Variants in VSNL1 observed in about 807,000 individuals in gnomAD.
VSNL1 encodes the protein visinin like 1, also known as visinin-like protein 1.
In VSNL1, 6 loss-of-function variants were observed where a neutral mutation model predicts 20.4. The ratio of observed to expected loss-of-function variants is 0.29; its 90% CI spans 0.16 to 0.58. The LOEUF is 0.58. Ranked by LOEUF, VSNL1 falls within the 20% of genes least tolerant of loss-of-function variation. The pLI, the probability that VSNL1 is intolerant of heterozygous loss-of-function variation, is 0.90. For synonymous variants in VSNL1, 93 were observed against 86.4 expected (o/e 1.08, Z -0.42); for missense variants, 100 against 234.5 (o/e 0.43, Z 3.75).
chr2:17,583,291 C>A (rs1664393708), intron 1 of VSNL1, among the ~76,000 whole-genome samples: 3 of 152,368 alleles, frequency 2.0e-5, no homozygotes, highest in Non-Finnish European at 4.4e-5. Context: ...AAGCGGGACA[C>A]TCCAGGTCTG....
intron 1 of VSNL1, among the ~76,000 whole-genome samples, chr2:17,545,771 T>A (rs1246402317): frequency 2.0e-5 from 3 of 152,140 alleles, no homozygotes; most frequent in African/African-American, 4.8e-5. Flanking sequence ...TACTGAGGAA[T>A]CTTCAAAGAG....
intron 2 of VSNL1, among the ~76,000 whole-genome samples, chr2:17,629,181 T>C (rs1053756550): frequency 3.3e-5 from 5 of 152,142 alleles, no homozygotes; most frequent in African/African-American, 1.2e-4. Flanking sequence ...TGTTATAAGG[T>C]CCCTTAAGGC....
At chr2:17,590,825 C>G (rs1664578599) in intron 1 of VSNL1, among the ~76,000 whole-genome samples, 1 of 152,144 alleles carries the variant, frequency 6.6e-6, no homozygotes, top group Non-Finnish European at 1.5e-5. Context: ...CAGTGAAGGA[C>G]TAGGTTCACT....
chr2:17,555,448 A>G (rs769315620), intron 1 of VSNL1, among the ~76,000 whole-genome samples: 1 of 152,162 alleles, frequency 6.6e-6, no homozygotes, highest in Non-Finnish European at 1.5e-5. Context: ...CTGTATGATC[A>G]TTGCTACTAC....
At chr2:17,554,297 C>T (rs1663621536) in intron 1 of VSNL1, among the ~76,000 whole-genome samples, 1 of 152,156 alleles carries the variant, frequency 6.6e-6, no homozygotes, top group Non-Finnish European at 1.5e-5. Context: ...GGCTAAAAAT[C>T]TACACAGTAT....
intron 1 of VSNL1, among the ~76,000 whole-genome samples, chr2:17,576,417 A>G (rs953510008): frequency 2.6e-5 from 4 of 152,160 alleles, no homozygotes; most frequent in South Asian, 2.1e-4. Flanking sequence ...TTTCTTTAAG[A>G]TACCTTCCCC....
At chr2:17,631,850 T>C (rs1215226585) in intron 2 of VSNL1, among the ~76,000 whole-genome samples, 1 of 152,240 alleles carries the variant, frequency 6.6e-6, no homozygotes, top group Non-Finnish European at 1.5e-5. Context: ...CACAGGTACA[T>C]ACTTAATGAC....
At chr2:17,595,500 T>C (rs1330618911) in intron 2 of VSNL1, among the ~76,000 whole-genome samples, 1 of 152,242 alleles carries the variant, frequency 6.6e-6, no homozygotes, top group Non-Finnish European at 1.5e-5. Context: ...GAGGAAGACT[T>C]TTCTATTAAC....
At chr2:17,610,856 T>C (rs1665068136) in intron 2 of VSNL1, among the ~76,000 whole-genome samples, 1 of 152,172 alleles carries the variant, frequency 6.6e-6, no homozygotes, top group South Asian at 2.1e-4. Context: ...CTGCATGCTT[T>C]GATCCAGTAG....
intron 2 of VSNL1, among the ~76,000 whole-genome samples, chr2:17,631,015 C>T (rs1469403880): frequency 3.3e-5 from 5 of 152,122 alleles, no homozygotes; most frequent in African/African-American, 4.8e-5. Context: ...CTCTTGACCT[C>T]GTGATCTGCC....
intron 1 of VSNL1, among the ~76,000 whole-genome samples, chr2:17,558,826 T>C (rs1029242236): frequency 6.6e-6 from 1 of 152,196 alleles, no homozygotes; most frequent in Admixed American, 6.5e-5. Context: ...CTTTAAGGTA[T>C]TTCCACTTTT....
chr2:17,612,949 CCAGTG>C (rs564451485), intron 2 of VSNL1, among the ~76,000 whole-genome samples: 5 of 152,136 alleles, frequency 3.3e-5, no homozygotes, highest in African/African-American at 1.2e-4. Context: ...GAAGGTGCTT[CCAGTG>C]CAGTGCAGTG....
intron 1 of VSNL1, among the ~76,000 whole-genome samples, chr2:17,566,608 T>C (rs927847178): frequency 3.9e-5 from 6 of 152,198 alleles, no homozygotes; most frequent in Admixed American, 1.3e-4. Context: ...AAATTCTGAA[T>C]GCAAACTATT....
chr2:17,630,868 G>A (rs551152240), intron 2 of VSNL1, among the ~76,000 whole-genome samples: 2 of 152,068 alleles, frequency 1.3e-5, no homozygotes, highest in South Asian at 2.1e-4. Flanking sequence ...TGCAACCTCC[G>A]CCTCCTGGGT....
At chr2:17,541,307 G>T (rs1558275778) in intron 1 of VSNL1, 1 of 152,156 alleles carries the variant, frequency 6.6e-6, no homozygotes. Context: ...TCATCCGTGG[G>T]ATTGGTGCAC....
chr2:17,550,011 G>C (rs150117785), intron 1 of VSNL1, among the ~76,000 whole-genome samples: 28 of 152,272 alleles, frequency 1.8e-4, no homozygotes, highest in Admixed American at 3.3e-4. Flanking sequence ...TTACTTCTCT[G>C]AGTTTTAGTT....
chr2:17,559,412 A>G (rs933493356), intron 1 of VSNL1, among the ~76,000 whole-genome samples: 5 of 150,972 alleles, frequency 3.3e-5, no homozygotes, highest in African/African-American at 1.2e-4. Flanking sequence ...AACCAGCAAA[A>G]AAAAAAACAA....
At chr2:17,654,623 A>AC (rs1312795553) in intron 3 of VSNL1, among the ~76,000 whole-genome samples, 1 of 152,160 alleles carries the variant, frequency 6.6e-6, no homozygotes, top group East Asian at 1.9e-4. Flanking sequence ...CCTGGAAGCC[A>AC]CCCCAAATTC....
chr2:17,570,161 CAGG>C (rs1376791031), intron 1 of VSNL1, among the ~76,000 whole-genome samples: 1 of 152,124 alleles, frequency 6.6e-6, no homozygotes, highest in Non-Finnish European at 1.5e-5. Context: ...CCATTATCAG[CAGG>C]AGGAGATGTG....
Sources: gnomAD v4.1 joint callset for allele counts (sites outside exome capture counted in the v4.1 genomes callset) on GRCh38, gnomAD v4.1.1 for gene constraint, MANE v1.5 for transcripts, NCBI Gene and HGNC (gene_info 2026-07-23, HGNC 2026-07-21) for gene names.